DGCR2: variants seen among roughly 807,000 people sequenced by gnomAD.
The protein encoded by DGCR2 is DiGeorge syndrome critical region gene 2.
A neutral mutation model predicts 51.6 loss-of-function variants in DGCR2; 24 were observed. The ratio of observed to expected loss-of-function variants is 0.47; its 90% confidence interval spans 0.34 to 0.65. The LOEUF (loss-of-function observed/expected upper bound fraction) is 0.65, where lower values mean the gene tolerates loss of function less well. Among genes scored for constraint, DGCR2 ranks in the 30% least tolerant of loss-of-function variants. The pLI, the probability that DGCR2 is intolerant of heterozygous loss-of-function variation, is 0.01. For synonymous variants in DGCR2, 340 were observed against 315.4 expected (o/e 1.08, Z -0.82); for missense variants, 765 against 772.1 (o/e 0.99, Z 0.11).
intron 1 of DGCR2, among the ~76,000 whole-genome samples, chr22:19,093,892 G>C (rs1462380684): frequency 1.3e-5 from 2 of 152,104 alleles, no homozygotes; most frequent in African/African-American, 2.4e-5. Context: ...TGTAGTCCCA[G>C]CTACTCAGGA....
intron 1 of DGCR2, among the ~76,000 whole-genome samples, chr22:19,107,416 T>C (rs2083270855): frequency 6.6e-6 from 1 of 152,228 alleles, no homozygotes; most frequent in African/African-American, 2.4e-5. Flanking sequence ...TGCTTCAGCA[T>C]TTATTTCTCA....
At chr22:19,102,075 T>C (rs1211496037) in intron 1 of DGCR2, among the ~76,000 whole-genome samples, 1 of 152,034 alleles carries the variant, frequency 6.6e-6, no homozygotes, top group Non-Finnish European at 1.5e-5. Flanking sequence ...GTGAATGTGA[T>C]CAGCCATCAG....
intron 1 of DGCR2, among the ~76,000 whole-genome samples, chr22:19,091,751 G>A (rs911344987): frequency 1.3e-5 from 2 of 151,334 alleles, no homozygotes; most frequent in Non-Finnish European, 2.9e-5. Context: ...AGGAGTTCGA[G>A]ACCAGCCTGG....
At position 19,122,412 on chromosome 22, in the gene DGCR2, T is replaced by G; in HGVS notation, c.-206A>C. On this transcript the variant is annotated 5_prime_UTR_variant, in exon 1 of 10. Coordinates refer to ENST00000263196, the MANE Select transcript of DGCR2 (RefSeq NM_005137.3). ...GCACCGACTCCAGCTGCGCGCAAGA[T>G]GGCGGCCGTCCTGCTCGGCTCCGCG... 5.1e-6 allele frequency: 2 copies of G among 395,954 alleles called. No individual in the cohort carries two copies. The highest frequency in any genetic ancestry group is 9.0e-6 in the Non-Finnish European group (2 of 222,022). 24.5% of individuals were successfully genotyped at this position (395,954 alleles called of 1,614,324 possible).
In DGCR2 at chr22:19,068,191, C is replaced by T; in HGVS notation, c.237G>A (p.Lys79=). ...GCCCCTGCCGCGGATCCACAGCCTC[C>T]TTCCCATGATGAGGACGCACCTCCC... The part of the protein sequence containing the change: ...VTGEVRPHHG[K]EAVDPRQGRA... Residue 79 remains lysine, a synonymous_variant, in exon 3 of 10, where the codon AAG becomes AAA. Coordinates refer to ENST00000263196, the MANE Select transcript of DGCR2 (RefSeq NM_005137.3). 1.2e-6 allele frequency: 2 copies of T among 1,611,024 alleles called. No homozygotes were observed. Among genetic ancestry groups the T allele is most frequent in the South Asian group, 2.2e-5 (2 of 90,740 alleles).
At chr22:19,087,932 A>G (rs1039455470) in intron 2 of DGCR2, among the ~76,000 whole-genome samples, 33 of 151,876 alleles carry the variant, frequency 2.2e-4, no homozygotes, top group African/African-American at 7.5e-4. Flanking sequence ...CGATCCACCC[A>G]CCTCAGCCTC....
intron 6 of DGCR2, among the ~76,000 whole-genome samples, chr22:19,055,066 A>T (rs1294383807): frequency 6.6e-6 from 1 of 152,214 alleles, no homozygotes; most frequent in Non-Finnish European, 1.5e-5. Context: ...CAGTGAGCTG[A>T]AATCACGTCA....
intron 5 of DGCR2, among the ~76,000 whole-genome samples, chr22:19,062,759 A>C (rs73157302): frequency 7.5e-6 from 1 of 132,858 alleles, no homozygotes; most frequent in African/African-American, 2.6e-5. Context: ...ATCTTTGCGC[A>C]CACACACACA....
intron 4 of DGCR2, 104 bp from the exon 5 acceptor site, chr22:19,063,382 C>T: frequency 9.2e-7 from 1 of 1,092,670 alleles, no homozygotes; most frequent in Non-Finnish European, 1.3e-6. Context: ...CGCTCTGTCA[C>T]CAGGATGGAG....
intron 2 of DGCR2, among the ~76,000 whole-genome samples, chr22:19,076,149 A>ATTTT (rs2082873503): frequency 6.7e-6 from 1 of 150,074 alleles, no homozygotes; most frequent in East Asian, 1.9e-4. Context: ...TATTTTATTT[A>ATTTT]TTTTTTAAAG....
In DGCR2 at chr22:19,113,319, G is replaced by A. The variant is rs564060206; in HGVS notation, c.79+8809C>T. On this transcript the variant is annotated intron_variant, in intron 1 of 9. Coordinates refer to ENST00000263196, the MANE Select transcript of DGCR2 (RefSeq NM_005137.3). Reference sequence around the variant, plus strand: ...CGGGAGGCGGAGGTTGCAGTGAGCCGAGATCACCCCACTGCACTCCAGCCT... The same window carrying A: ...CGGGAGGCGGAGGTTGCAGTGAGCCAAGATCACCCCACTGCACTCCAGCCT... Among the ~76,000 whole-genome samples the A allele has an allele frequency of 6.6e-5, 10 of 151,862 alleles. No individual in the cohort carries two copies. The East Asian group carries it at 1.2e-3, about 18-fold the overall frequency.
At chr22:19,054,496 CAA>C (rs1263287053) in intron 6 of DGCR2, among the ~76,000 whole-genome samples, 1 of 152,196 alleles carries the variant, frequency 6.6e-6, no homozygotes, top group East Asian at 1.9e-4. Context: ...ATCAAACACT[CAA>C]AGACAAGTTT....
intron 2 of DGCR2, among the ~76,000 whole-genome samples, chr22:19,074,073 G>C (rs1464800281): frequency 1.3e-5 from 2 of 152,162 alleles, no homozygotes; most frequent in Non-Finnish European, 2.9e-5. Context: ...AAAAAGAAAA[G>C]ATATATATGA....
At chr22:19,096,267 G>A (rs893996642) in intron 1 of DGCR2, among the ~76,000 whole-genome samples, 19 of 152,176 alleles carry the variant, frequency 1.2e-4, no homozygotes, top group African/African-American at 4.6e-4. Flanking sequence ...AACTTCACAT[G>A]TTCTCATTCA....
At chr22:19,062,902 G>A (rs548309381) in intron 5 of DGCR2, among the ~76,000 whole-genome samples, 6 of 151,848 alleles carry the variant, frequency 4.0e-5, no homozygotes, top group Non-Finnish European at 7.4e-5. Context: ...GGCACACTCT[G>A]CATGCTCATT....
rs563970689 is a variant in DGCR2 at position 19,082,607 on chromosome 22, G to A, written c.202+6761C>T. Reference sequence around the variant, plus strand: ...TCTACTAAAAATACAAAAATTAGACGAGCGTGGTGGCAGATGCCTGTAATC... The same window carrying A: ...TCTACTAAAAATACAAAAATTAGACAAGCGTGGTGGCAGATGCCTGTAATC... On this transcript the variant is annotated intron_variant, in intron 2 of 9. Transcript: ENST00000263196. Among the ~76,000 whole-genome samples the A allele has an allele frequency of 3.0e-4, 45 of 151,930 alleles. 1 individual carries two copies. The highest frequency in any genetic ancestry group is 7.2e-4 in the Admixed American group (11 of 15,264).
chr22:19,072,197 G>C (rs1368093078), intron 2 of DGCR2, among the ~76,000 whole-genome samples: 1 of 152,178 alleles, frequency 6.6e-6, no homozygotes, highest in Non-Finnish European at 1.5e-5. Context: ...ACTCAGGGAA[G>C]AGAGGACAGA....
At chr22:19,119,572 C>A (rs895673189) in intron 1 of DGCR2, among the ~76,000 whole-genome samples, 1 of 152,030 alleles carries the variant, frequency 6.6e-6, no homozygotes, top group African/African-American at 2.4e-5. Flanking sequence ...CCCATCTCTA[C>A]TAAAAATACA....
intron 6 of DGCR2, among the ~76,000 whole-genome samples, chr22:19,051,244 T>G (rs561189095): frequency 6.7e-6 from 1 of 148,906 alleles, no homozygotes; most frequent in Admixed American, 6.7e-5. Flanking sequence ...TAACTAGGAC[T>G]TCATTAAAAT....
Sources: gnomAD v4.1 joint callset for allele counts (sites outside exome capture counted in the v4.1 genomes callset) on GRCh38, gnomAD v4.1.1 for gene constraint, MANE v1.5 for transcripts, NCBI Gene and HGNC (gene_info 2026-07-23, HGNC 2026-07-21) for gene names.